OGDH: variants seen among roughly 807,000 people sequenced by gnomAD.
The protein encoded by OGDH is 2-oxoglutarate dehydrogenase complex component E1.
Under a neutral mutation model 116.6 loss-of-function variants are expected in OGDH, and 38 were observed. The ratio of observed to expected loss-of-function variants is 0.33; its 90% CI spans 0.25 to 0.43. The LOEUF (loss-of-function observed/expected upper bound fraction) is 0.43. Among genes scored for constraint, OGDH ranks in the 20% least tolerant of loss-of-function variants. The pLI is 1.00. For missense variants in OGDH, 825 were observed against 1,357.2 expected (o/e 0.61, Z 6.16); for synonymous variants, 488 against 533.3 (o/e 0.92, Z 1.17).
At chr7:44,705,583 C>G (rs1789035877) in intron 20 of OGDH, among the ~76,000 whole-genome samples, 1 of 152,160 alleles carries the variant, frequency 6.6e-6, no homozygotes, top group Non-Finnish European at 1.5e-5. Context: ...GAGTCTCACT[C>G]TGTCATCCAG....
chr7:44,654,447 G>A (rs1033888142), intron 4 of OGDH, among the ~76,000 whole-genome samples: 16 of 152,058 alleles, frequency 1.1e-4, no homozygotes, highest in African/African-American at 3.9e-4. Context: ...GACCTTCCAG[G>A]GCTCTCCGGT....
chr7:44,698,247 AC>A lies in OGDH; in HGVS notation c.2417del (p.Pro806GlnfsTer49), dbSNP rs1477456041. On this transcript the variant is annotated frameshift_variant, in exon 18 of 23. Transcript: ENST00000222673. LOFTEE classifies it high-confidence loss of function. ...PERFLQMCND[D>X]PDVLPDLKEA... is the part of the protein sequence containing the mutation. ...CGGTTCTTGCAGATGTGCAACGATG[AC>A]CCAGATGTCCTGCCAGTGAGTAATA... 6.2e-7 allele frequency: 1 copy of A among 1,613,802 alleles called. No individual in the cohort carries two copies. The highest frequency in any genetic ancestry group is 1.7e-5 in the Admixed American group (1 of 59,974).
Position 44,696,135 on chromosome 7 carries a change from A to C in OGDH, c.1771+8A>C. 1 of 1,558,464 alleles carries C rather than the reference A, an allele frequency of 6.4e-7. No individual in the cohort carries two copies. Among genetic ancestry groups the C allele is most frequent in the Non-Finnish European group, 8.9e-7 (1 of 1,129,414 alleles). ...TGGACTCTCCCTGGCCTGGTGAGTG[A>C]AGAAACAGTGCCACAAATAAGCTCC... On this transcript the variant is annotated splice_region_variant and intron_variant, in intron 13 of 22. Transcript: ENST00000222673.
intron 4 of OGDH, among the ~76,000 whole-genome samples, chr7:44,654,579 G>C (rs564574750): frequency 6.6e-6 from 1 of 152,332 alleles, no homozygotes; most frequent in Non-Finnish European, 1.5e-5. Context: ...TGTGCAGCGT[G>C]CTGTGTGCCA....
At position 44,624,456 on chromosome 7, in the gene OGDH, G is replaced by C. The variant is rs148704374; in HGVS notation, c.113G>C (p.Arg38Pro). ...PAAARTFQQI[R>P]CYSAPVAAEP... ...GCAGCTAGGACATTTCAACAGATTC[G>C]GTGCTATTCTGCACCTGTTGCTGCT... The change falls in exon 2 of 23, where the codon CGG (arginine) becomes CCG (proline). Residue 38 changes from arginine to proline, a missense_variant. Around this residue, in one of 7 missense-constraint regions of OGDH, gnomAD observed 126 missense variants for 130.4 expected, o/e 0.97. Coordinates refer to ENST00000222673, the MANE Select transcript of OGDH (RefSeq NM_002541.4). 6.2e-7 allele frequency: 1 copy of C among 1,613,442 alleles called. No individual in the cohort carries two copies. The highest frequency in any genetic ancestry group is 8.5e-7 in the Non-Finnish European group (1 of 1,179,904).
chr7:44,618,518 A>C (rs950187778), intron 1 of OGDH, among the ~76,000 whole-genome samples: 1 of 152,160 alleles, frequency 6.6e-6, no homozygotes. Context: ...TTTGTCCATG[A>C]TTCCTGGTTC....
Position 44,678,196 on chromosome 7 carries a change from C to T in OGDH, c.1206+2047C>T, listed in dbSNP as rs1787781530. ...GCAGCCCCCGCAGGCAGTAACAACA[C>T]TGGGTGTCTGGGATGGCCTGGGCTA... On this transcript the variant is annotated intron_variant, in intron 9 of 22. Transcript: ENST00000222673. Among the ~76,000 whole-genome samples, 2 of 152,108 alleles carry T rather than the reference C, an allele frequency of 1.3e-5. 1 individual carries two copies. The highest frequency in any genetic ancestry group is 4.1e-4 in the South Asian group (2 of 4,828).
chr7:44,647,622 G>A lies in OGDH; in HGVS notation c.415-35G>A, dbSNP rs370989055. The A allele has an allele frequency of 5.1e-6, 8 of 1,583,086 alleles. No homozygotes were observed. The African/African-American group carries it at 6.8e-5, about 13-fold the overall frequency. On this transcript the variant is annotated intron_variant, in intron 3 of 22. Transcript: ENST00000222673. ...CTTTTTTTTTCTTCTGTCCTTTTGT[G>A]TGTGTCCTTCCCTCTCATCGTTGGC...
Position 44,696,109 on chromosome 7 carries a change from C to T in OGDH, c.1753C>T (p.Leu585=), listed in dbSNP as rs1475769611. The T allele has an allele frequency of 1.2e-6, 2 of 1,608,146 alleles. No individual in the cohort carries two copies. The highest frequency in any genetic ancestry group is 1.1e-5 in the South Asian group (1 of 90,958). The change falls in exon 13 of 23, where the codon CTG becomes TTG. Residue 585 remains leucine, a synonymous_variant. Transcript: ENST00000222673. ...DEKILHIKHW[L]DSPWPGFFTL... is the part of the protein sequence containing the mutation. ...GAAGATCTTGCACATTAAGCACTGG[C>T]TGGACTCTCCCTGGCCTGGTGAGTG...
At chr7:44,695,433 G>A (rs959976132) in intron 12 of OGDH, among the ~76,000 whole-genome samples, 40 of 152,184 alleles carry the variant, frequency 2.6e-4, no homozygotes, top group African/African-American at 8.4e-4. Context: ...TGGGCTGGGC[G>A]TGGTGGCTCA....
chr7:44,707,318 A>T lies in OGDH; in HGVS notation c.2726A>T (p.Tyr909Phe). 17 of 1,614,256 alleles carry T rather than the reference A, an allele frequency of 1.1e-5. No homozygotes were observed. Among genetic ancestry groups the T allele is most frequent in the Non-Finnish European group, 1.4e-5 (17 of 1,180,044 alleles). ...CTTCTCTTCTGCACCGGCAAAGTGTATTATGACCTCACCCGGGAGCGCAAA... is the reference window on the plus strand; with the variant it reads ...CTTCTCTTCTGCACCGGCAAAGTGTTTTATGACCTCACCCGGGAGCGCAAA... Reference protein sequence around the residue: ...KRLLFCTGKVYYDLTRERKAR... With the variant: ...KRLLFCTGKVFYDLTRERKAR... The change falls in exon 21 of 23, where the codon TAT (tyrosine) becomes TTT (phenylalanine). Residue 909 changes from tyrosine (Y) to phenylalanine (F), a missense_variant. This residue lies in a region of OGDH where 212 missense variants were observed against 284.3 expected (regional missense o/e 0.75). Coordinates refer to ENST00000222673, the MANE Select transcript of OGDH (RefSeq NM_002541.4). This position sits in a 1 kb window ranked among gnomAD's most constrained non-coding sequence, Gnocchi z 5.2.
chr7:44,666,104 A>T (rs1414039696), intron 4 of OGDH, among the ~76,000 whole-genome samples: 2 of 152,134 alleles, frequency 1.3e-5, no homozygotes. Context: ...ATAGTTCAGG[A>T]ATTTCAGGAG....
chr7:44,697,861 G>T lies in OGDH; in HGVS notation c.2358+79G>T. 1 of 1,472,632 alleles carries T rather than the reference G, an allele frequency of 6.8e-7. No individual in the cohort carries two copies. The highest frequency in any genetic ancestry group is 9.1e-7 in the Non-Finnish European group (1 of 1,099,938). The allele number at this position is 1,472,632 out of a possible 1,614,324, so 91.2% of individuals were successfully genotyped here. A position where few individuals can be genotyped will look rare whatever the true frequency, so the allele number is the denominator to read the frequency against. On this transcript the variant is annotated intron_variant, in intron 17 of 22. Transcript: ENST00000222673. This position sits in a 1 kb window ranked among gnomAD's most constrained non-coding sequence, Gnocchi z 6.0. ...GGACCCTGACCCCAAAGACTGGCAC[G>T]AGAGCCAGTGGCTCACACCAGCCTC...
chr7:44,629,425 C>G (rs1385667492), intron 2 of OGDH, among the ~76,000 whole-genome samples: 3 of 152,300 alleles, frequency 2.0e-5, no homozygotes, highest in Admixed American at 6.5e-5. Flanking sequence ...CTTCTAGGCC[C>G]TCCTGGCCAT....
intron 1 of OGDH, among the ~76,000 whole-genome samples, chr7:44,623,039 A>G (rs78823445): frequency 0.014 from 2,129 of 152,206 alleles, 58 homozygotes; most frequent in African/African-American, 0.047. Flanking sequence ...GCTCTTTTCA[A>G]TCTTTGCAGA....
intron 2 of OGDH, among the ~76,000 whole-genome samples, chr7:44,632,983 G>A (rs1238363492): frequency 1.3e-5 from 2 of 151,978 alleles, no homozygotes; most frequent in Non-Finnish European, 2.9e-5. Flanking sequence ...GCCAGGCACA[G>A]TGGCTCACGC....
chr7:44,673,208 A>C (rs1189073933), intron 5 of OGDH, among the ~76,000 whole-genome samples: 1 of 152,144 alleles, frequency 6.6e-6, no homozygotes, highest in African/African-American at 2.4e-5. Context: ...TCTCCAAAAA[A>C]TTCAAAACAT....
intron 5 of OGDH, 138 bp from the exon 6 acceptor site, chr7:44,673,649 A>C: frequency 1.2e-6 from 1 of 819,338 alleles, no homozygotes; most frequent in Non-Finnish European, 2.0e-6. Context: ...TCCCATCCTC[A>C]GTCACACTTG....
At chr7:44,688,595 T>C (rs1301657650) in intron 10 of OGDH, among the ~76,000 whole-genome samples, 1 of 151,392 alleles carries the variant, frequency 6.6e-6, no homozygotes, top group Admixed American at 6.6e-5. Context: ...CATGCCCAGC[T>C]AATTTTTTGT....
Sources: gnomAD v4.1 joint callset for allele counts (sites outside exome capture counted in the v4.1 genomes callset) on GRCh38, gnomAD v4.1.1 for gene constraint, gnomAD v4.1.1 regional missense constraint, Gnocchi (gnomAD v3.1) non-coding constraint, MANE v1.5 for transcripts, NCBI Gene and HGNC (gene_info 2026-07-23, HGNC 2026-07-21) for gene names.